PALM2AKAP2: variants seen among roughly 807,000 people sequenced by gnomAD.
PALM2AKAP2 encodes the protein PALM2 and AKAP2 fusion.
Under a neutral mutation model 71.5 loss-of-function variants are expected in PALM2AKAP2, and 37 were observed. The observed-to-expected ratio is 0.52, with a 90% CI of 0.40 to 0.68. The LOEUF (loss-of-function observed/expected upper bound fraction) is 0.68. Ranked by LOEUF, PALM2AKAP2 falls within the 30% of genes least tolerant of loss-of-function variation. PALM2AKAP2 has a pLI of 0.00. For synonymous variants in PALM2AKAP2, 468 were observed against 478.8 expected (o/e 0.98, Z 0.29); for missense variants, 1,224 against 1,191.8 (o/e 1.03, Z -0.40).
intron 1 of PALM2AKAP2, among the ~76,000 whole-genome samples, chr9:110,094,459 C>T (rs1176729371): frequency 6.6e-6 from 1 of 152,146 alleles, no homozygotes; most frequent in South Asian, 2.1e-4. Context: ...TTAACTGGCT[C>T]ATGATTCCAC....
intron 3 of PALM2AKAP2, among the ~76,000 whole-genome samples, chr9:109,881,297 A>G (rs1404943887): frequency 2.0e-5 from 3 of 152,192 alleles, no homozygotes; most frequent in South Asian, 2.1e-4. Flanking sequence ...TGGGCCCACA[A>G]GGTGTTGTGA....
At chr9:110,015,691 G>A (rs1832969076) in intron 6 of PALM2AKAP2, among the ~76,000 whole-genome samples, 1 of 152,148 alleles carries the variant, frequency 6.6e-6, no homozygotes, top group South Asian at 2.1e-4. Context: ...TCCACCCTGG[G>A]CTAGGAATAG....
rs191797375 is a variant in PALM2AKAP2 at position 109,826,107 on chromosome 9, C to T, written c.46-41384C>T. Among the ~76,000 whole-genome samples the T allele has an allele frequency of 4.7e-3, 721 of 151,870 alleles. 7 individuals are homozygous for T. The highest frequency in any genetic ancestry group is 0.016 in the African/African-American group (662 of 41,408). On this transcript the variant is annotated intron_variant, in intron 1 of 9. Transcript: ENST00000302798. ...GAAGCCATCATTCTCAGCAAACTAT[C>T]GCAAGGACAAAAAACCAAACACCAC...
At chr9:109,832,985 T>C (rs953279691) in intron 1 of PALM2AKAP2, among the ~76,000 whole-genome samples, 5 of 152,158 alleles carry the variant, frequency 3.3e-5, no homozygotes, top group African/African-American at 1.2e-4. Flanking sequence ...AGACAGGGGC[T>C]CTCTTGTTTT....
At chr9:109,859,404 T>C (rs1301337105) in intron 1 of PALM2AKAP2, among the ~76,000 whole-genome samples, 2 of 152,154 alleles carry the variant, frequency 1.3e-5, no homozygotes, top group African/African-American at 4.8e-5. Context: ...ATTTTAGATT[T>C]TAACATAGCT....
At chr9:109,736,638 C>A (rs577766295) in intron 1 of PALM2AKAP2, among the ~76,000 whole-genome samples, 8 of 151,936 alleles carry the variant, frequency 5.3e-5, no homozygotes, top group Non-Finnish European at 1.0e-4. Context: ...GGTACAAGTG[C>A]AGATTTCTTA....
intron 1 of PALM2AKAP2, among the ~76,000 whole-genome samples, chr9:109,714,787 C>T (rs1828291478): frequency 6.6e-6 from 1 of 152,148 alleles, no homozygotes; most frequent in Non-Finnish European, 1.5e-5. Flanking sequence ...CTGAAGGCAG[C>T]CACCTCCCAG....
intron 1 of PALM2AKAP2, among the ~76,000 whole-genome samples, chr9:109,668,560 G>C (rs999802694): frequency 1.3e-5 from 2 of 152,124 alleles, no homozygotes; most frequent in Non-Finnish European, 2.9e-5. Context: ...TGTGTGTCTG[G>C]GCAAAGGCAA....
At chr9:109,774,734 T>G (rs1829325489) in intron 1 of PALM2AKAP2, among the ~76,000 whole-genome samples, 1 of 152,090 alleles carries the variant, frequency 6.6e-6, no homozygotes, top group Non-Finnish European at 1.5e-5. Flanking sequence ...CCATGGCATT[T>G]TTCATGAAGC....
intron 6 of PALM2AKAP2, among the ~76,000 whole-genome samples, chr9:109,981,930 A>C (rs1396182990): frequency 6.6e-6 from 1 of 152,238 alleles, no homozygotes. Context: ...CATACGATCC[A>C]GCAATCCCAC....
chr9:109,776,675 T>G (rs1197571006), upstream of PALM2AKAP2, among the ~76,000 whole-genome samples: 1 of 152,112 alleles, frequency 6.6e-6, no homozygotes, highest in East Asian at 1.9e-4. Context: ...TGGCTTTTAA[T>G]ATGGGAAATC....
intron 7 of PALM2AKAP2, among the ~76,000 whole-genome samples, chr9:110,032,703 TAA>T (rs1833303830): frequency 2.3e-5 from 1 of 43,530 alleles, no homozygotes. Flanking sequence ...AATAAATAAA[TAA>T]ATAAATAAAT....
chr9:109,672,749 TG>T (rs1827592673), intron 1 of PALM2AKAP2, among the ~76,000 whole-genome samples: 1 of 152,152 alleles, frequency 6.6e-6, no homozygotes, highest in Non-Finnish European at 1.5e-5. Context: ...CTTTTTTGGT[TG>T]GTAGGCTGTT....
intron 1 of PALM2AKAP2, chr9:110,125,724 T>C (rs762172450): frequency 4.1e-5 from 19 of 467,772 alleles, no homozygotes; most frequent in Non-Finnish European, 4.8e-5. Context: ...GTGGAGTCCT[T>C]TCTTGCTGGA....
chr9:110,133,571 A>G (rs1462361517), intron 1 of PALM2AKAP2, among the ~76,000 whole-genome samples: 2 of 152,112 alleles, frequency 1.3e-5, no homozygotes, highest in South Asian at 2.1e-4. Flanking sequence ...TCCTCTCCTC[A>G]GGTATTCTAA....
chr9:109,640,940 G>C, intron 1 of PALM2AKAP2: 1 of 1,455,860 alleles, frequency 6.9e-7, no homozygotes, highest in East Asian at 2.8e-5. Context: ...GCGGCAGGCA[G>C]ATCCCGCTCG....
chr9:109,767,683 C>T (rs1228169872), intron 1 of PALM2AKAP2, among the ~76,000 whole-genome samples: 1 of 152,192 alleles, frequency 6.6e-6, no homozygotes, highest in Non-Finnish European at 1.5e-5. Flanking sequence ...TGGCTTCATT[C>T]GGGGCTGTCT....
At chr9:109,860,574 A>G (rs929800444) in intron 1 of PALM2AKAP2, among the ~76,000 whole-genome samples, 2 of 152,206 alleles carry the variant, frequency 1.3e-5, no homozygotes, top group African/African-American at 4.8e-5. Flanking sequence ...GATTCATTTT[A>G]TAAGCCACAG....
At chr9:109,640,809 G>A in exon 1 of PALM2AKAP2, 1 of 1,505,354 alleles carries the variant, frequency 6.6e-7, no homozygotes, top group Non-Finnish European at 8.8e-7. Flanking sequence ...TCCGGGAGAG[G>A]CGAGCAGCGC....
Sources: gnomAD v4.1 joint callset for allele counts (sites outside exome capture counted in the v4.1 genomes callset) on GRCh38, gnomAD v4.1.1 for gene constraint, MANE v1.5 for transcripts, NCBI Gene and HGNC (gene_info 2026-07-23, HGNC 2026-07-21) for gene names.